The following CADM2 variants were observed in gnomAD, a reference collection of about 807,000 sequenced individuals.
CADM2 encodes the protein immunoglobulin superfamily member 4D.
A neutral mutation model predicts 49.8 loss-of-function variants in CADM2; 12 were observed. The ratio of observed to expected loss-of-function variants is 0.24; its 90% CI spans 0.15 to 0.39. The LOEUF (loss-of-function observed/expected upper bound fraction) is 0.39, where lower values mean the gene tolerates loss of function less well. CADM2 is among the 10% of genes least tolerant of loss of function. CADM2 has a pLI of 1.00. For synonymous variants in CADM2, 214 were observed against 175.4 expected (o/e 1.22, Z -1.74); for missense variants, 378 against 492.3 (o/e 0.77, Z 2.20).
intron 1 of CADM2, among the ~76,000 whole-genome samples, chr3:85,471,574 T>G (rs2038765588): frequency 6.6e-6 from 1 of 152,074 alleles, no homozygotes; most frequent in African/African-American, 2.4e-5. Context: ...AATTTTTTAG[T>G]TAGATTTTCC....
chr3:85,178,014 T>G (rs1359485135), intron 1 of CADM2, among the ~76,000 whole-genome samples: 1 of 151,970 alleles, frequency 6.6e-6, no homozygotes, highest in Non-Finnish European at 1.5e-5. Context: ...TGATTAGATA[T>G]TTAATATTGG....
At chr3:85,121,415 A>G (rs2038858555) in intron 1 of CADM2, among the ~76,000 whole-genome samples, 1 of 152,182 alleles carries the variant, frequency 6.6e-6, no homozygotes, top group Admixed American at 6.6e-5. Flanking sequence ...GAAACAAAGC[A>G]TCGAAGAAGG....
At chr3:85,118,168 T>A (rs1409945838) in intron 1 of CADM2, among the ~76,000 whole-genome samples, 1 of 152,042 alleles carries the variant, frequency 6.6e-6, no homozygotes, top group Non-Finnish European at 1.5e-5. Flanking sequence ...TGATATTAAC[T>A]TATTCATCTG....
chr3:85,465,135 A>C (rs1051147688), intron 1 of CADM2, among the ~76,000 whole-genome samples: 1 of 152,138 alleles, frequency 6.6e-6, no homozygotes, highest in Non-Finnish European at 1.5e-5. Context: ...GGGAGACAGA[A>C]CGAGACTCTG....
At chr3:85,713,496 T>C (rs1216983892) in intron 1 of CADM2, among the ~76,000 whole-genome samples, 3 of 152,006 alleles carry the variant, frequency 2.0e-5, no homozygotes, top group Non-Finnish European at 4.4e-5. Flanking sequence ...ATCAATAATA[T>C]ATAGAAACAT....
At chr3:85,362,240 G>A (rs1204069317) in intron 1 of CADM2, among the ~76,000 whole-genome samples, 1 of 152,158 alleles carries the variant, frequency 6.6e-6, no homozygotes, top group Non-Finnish European at 1.5e-5. Context: ...TGCTGAAGCA[G>A]GTGGAGTGTC....
In CADM2 at chr3:85,480,421, G is replaced by A. The variant is rs565172254; in HGVS notation, c.62-246101G>A. Among the ~76,000 whole-genome samples, 86 of 151,774 alleles carry A rather than the reference G, an allele frequency of 5.7e-4. 1 individual carries two copies. Among genetic ancestry groups the A allele is most frequent in the Admixed American group, 1.2e-3 (18 of 15,180 alleles). On this transcript the variant is annotated intron_variant, in intron 1 of 9. Coordinates refer to ENST00000383699, the MANE Select transcript of CADM2 (RefSeq NM_001167675.2). Reference sequence around the variant, plus strand: ...CTGCCATTTCAAATTTGTGACTGTGGGCAAGTTACCATGTGCCTCACATAA... The same window carrying A: ...CTGCCATTTCAAATTTGTGACTGTGAGCAAGTTACCATGTGCCTCACATAA...
chr3:85,935,738 T>G, intron 6 of CADM2, 29 bp from the exon 7 acceptor site: 1 of 1,321,466 alleles, frequency 7.6e-7, no homozygotes, highest in Non-Finnish European at 1.1e-6. Flanking sequence ...TGTGTTTAAT[T>G]ACCTTTCTTA....
intron 1 of CADM2, among the ~76,000 whole-genome samples, chr3:85,458,413 C>G (rs1235686808): frequency 2.0e-5 from 3 of 152,158 alleles, no homozygotes; most frequent in Non-Finnish European, 4.4e-5. Context: ...TTGGTTCAGT[C>G]TGCAACACAG....
chr3:85,742,598 TA>T (rs1039578556), intron 2 of CADM2, among the ~76,000 whole-genome samples: 2 of 152,160 alleles, frequency 1.3e-5, no homozygotes, highest in African/African-American at 4.8e-5. Context: ...GAGCAAAAAT[TA>T]AAAAAATTGG....
intron 1 of CADM2, among the ~76,000 whole-genome samples, chr3:85,644,861 C>G (rs2064837009): frequency 6.6e-6 from 1 of 152,044 alleles, no homozygotes; most frequent in South Asian, 2.1e-4. Flanking sequence ...TTAAGTGGTC[C>G]AGTTTTTCAT....
intron 1 of CADM2, among the ~76,000 whole-genome samples, chr3:85,482,406 A>G (rs1184677016): frequency 6.6e-6 from 1 of 151,810 alleles, no homozygotes; most frequent in African/African-American, 2.4e-5. Flanking sequence ...TGAAATAATT[A>G]AAGCCATTTT....
chr3:84,982,078 G>A (rs1471595545), intron 1 of CADM2, among the ~76,000 whole-genome samples: 2 of 152,122 alleles, frequency 1.3e-5, no homozygotes, highest in Non-Finnish European at 2.9e-5. Flanking sequence ...GACAAGCTAT[G>A]CATACAATTG....
intron 1 of CADM2, among the ~76,000 whole-genome samples, chr3:85,657,773 TATAC>T (rs200527122): frequency 0.19 from 25,421 of 135,586 alleles, 2,895 homozygotes; most frequent in Non-Finnish European, 0.25. Context: ...TATATATATA[TATAC>T]ATATACATGT....
intron 1 of CADM2, among the ~76,000 whole-genome samples, chr3:85,259,572 A>G (rs539815901): frequency 2.0e-5 from 3 of 152,226 alleles, no homozygotes; most frequent in African/African-American, 7.2e-5. Flanking sequence ...TACAAACTTT[A>G]TATGCCACAA....
At chr3:85,230,483 A>G (rs2042261227) in intron 1 of CADM2, among the ~76,000 whole-genome samples, 3 of 152,170 alleles carry the variant, frequency 2.0e-5, no homozygotes, top group Admixed American at 1.3e-4. Context: ...TAGTGATTTT[A>G]CTTAGTATTC....
At chr3:85,082,429 C>T (rs1373191976) in intron 1 of CADM2, among the ~76,000 whole-genome samples, 2 of 152,154 alleles carry the variant, frequency 1.3e-5, no homozygotes, top group African/African-American at 4.8e-5. Context: ...TAATGCGACT[C>T]TTTATGAAGG....
At chr3:85,840,273 AT>A (rs1287220546) in intron 3 of CADM2, among the ~76,000 whole-genome samples, 1 of 151,940 alleles carries the variant, frequency 6.6e-6, no homozygotes, top group East Asian at 1.9e-4. Context: ...TTTTTGAACC[AT>A]GTTTCTGTTT....
chr3:85,053,801 T>A (rs759092236), intron 1 of CADM2, among the ~76,000 whole-genome samples: 2 of 151,974 alleles, frequency 1.3e-5, no homozygotes, highest in Non-Finnish European at 2.9e-5. Context: ...AAACTTTGTA[T>A]AAATATGTCT....
Sources: allele counts gnomAD v4.1 joint callset (sites outside exome capture counted in the v4.1 genomes callset), GRCh38; gene constraint gnomAD v4.1.1; transcripts MANE v1.5; gene names NCBI Gene and HGNC (gene_info 2026-07-23, HGNC 2026-07-21).